CSNK1G1: variants seen among roughly 807,000 people sequenced by gnomAD.
CSNK1G1 encodes the protein casein kinase I isoform gamma-1.
A neutral mutation model predicts 59.6 loss-of-function variants in CSNK1G1; 22 were observed. The ratio of observed to expected loss-of-function variants is 0.37; its 90% CI spans 0.26 to 0.53. CSNK1G1 has a LOEUF of 0.53. Ranked by LOEUF, CSNK1G1 falls within the 20% of genes least tolerant of loss-of-function variation. CSNK1G1 has a pLI of 0.89. For missense variants in CSNK1G1, 384 were observed against 519.5 expected, an observed-to-expected ratio of 0.74 and a Z score of 2.54; for synonymous variants, 179 against 177.1, an observed-to-expected ratio of 1.01 and a Z score of -0.08.
chr15:64,165,527 GAA>G lies in CSNK1G1; in HGVS notation c.*6402_*6403del, dbSNP rs1878833682. 1.3e-5 allele frequency: 2 copies of G among 152,094 alleles called. No individual in the cohort carries two copies. 9.4% of individuals were successfully genotyped at this position (152,094 alleles called of 1,614,324 possible). ...AAAATAATTTTCTTCTTCAGCACTC[GAA>G]GAGAGACAGCAGTATTTATTTTTGA... On this transcript the variant is annotated 3_prime_UTR_variant, in exon 12 of 12. Transcript: ENST00000303052.
At chr15:64,335,555 ACTAT>A (rs1282872645) in intron 1 of CSNK1G1, among the ~76,000 whole-genome samples, 1 of 152,204 alleles carries the variant, frequency 6.6e-6, no homozygotes. Context: ...CTGCCTCATC[ACTAT>A]CTACCTCCTA....
intron 1 of CSNK1G1, among the ~76,000 whole-genome samples, chr15:64,347,779 G>A (rs922026423): frequency 1.3e-5 from 2 of 151,718 alleles, no homozygotes; most frequent in African/African-American, 2.4e-5. Context: ...AGGCTGAGGC[G>A]AGCAGATCAC....
chr15:64,276,761 C>T (rs1369794785), intron 2 of CSNK1G1, among the ~76,000 whole-genome samples: 1 of 151,918 alleles, frequency 6.6e-6, no homozygotes, highest in South Asian at 2.1e-4. Context: ...CTGGCTAACA[C>T]AGTGAAACCC....
chr15:64,186,070 G>A (rs778490980), intron 10 of CSNK1G1, among the ~76,000 whole-genome samples: 3 of 152,008 alleles, frequency 2.0e-5, no homozygotes, highest in Non-Finnish European at 4.4e-5. Flanking sequence ...TTTCTTTCCT[G>A]TGCTGGATCT....
At chr15:64,264,648 A>G (rs1445236134) in intron 2 of CSNK1G1, among the ~76,000 whole-genome samples, 1 of 152,192 alleles carries the variant, frequency 6.6e-6, no homozygotes, top group Non-Finnish European at 1.5e-5. Context: ...ACTAAATCCA[A>G]CAACACACTA....
In CSNK1G1 at chr15:64,168,497, A is replaced by ATC. The variant is rs1476741940; in HGVS notation, c.*3433_*3434insGA. On this transcript the variant is annotated 3_prime_UTR_variant, in exon 12 of 12. Transcript: ENST00000303052. The stretch of plus-strand genomic sequence containing the variant: ...CCTGTGTGCCTCAAATCTGTTTAGG[A>ATC]TGCAATGTCTGAGGGACTGTAGAGC... 1 of 152,248 alleles carries ATC rather than the reference A, an allele frequency of 6.6e-6. No individual in the cohort carries two copies. The highest frequency in any genetic ancestry group is 1.5e-5 in the Non-Finnish European group (1 of 68,066). 9.4% of individuals were successfully genotyped at this position (152,248 alleles called of 1,614,324 possible). A position where few individuals can be genotyped will look rare whatever the true frequency, so the allele number is the denominator to read the frequency against.
intron 10 of CSNK1G1, among the ~76,000 whole-genome samples, chr15:64,190,477 C>T (rs575410620): frequency 1.2e-4 from 19 of 152,152 alleles, no homozygotes; most frequent in Non-Finnish European, 2.2e-4. Context: ...TGCAATGGCG[C>T]GATCTCCGCT....
intron 2 of CSNK1G1, among the ~76,000 whole-genome samples, chr15:64,268,275 G>A (rs1021905735): frequency 6.6e-6 from 1 of 152,194 alleles, no homozygotes; most frequent in African/African-American, 2.4e-5. Flanking sequence ...TAGGAAAGCT[G>A]ATCTCATAGG....
chr15:64,165,879 A>G lies in CSNK1G1; in HGVS notation c.*6052T>C. ...AGGAAATGGGCTACTCTGAGATCAC[A>G]TATCAGAACCCATTTTCCATTTTCT... On this transcript the variant is annotated 3_prime_UTR_variant, in exon 12 of 12. Transcript: ENST00000303052. The G allele has an allele frequency of 2.1e-6, 1 of 480,454 alleles. No homozygotes were observed. Among genetic ancestry groups the G allele is most frequent in the Non-Finnish European group, 3.7e-6 (1 of 272,392 alleles). 29.8% of individuals were successfully genotyped at this position (480,454 alleles called of 1,614,324 possible).
chr15:64,339,470 G>A (rs955857387), intron 1 of CSNK1G1, among the ~76,000 whole-genome samples: 5 of 151,936 alleles, frequency 3.3e-5, no homozygotes, highest in Non-Finnish European at 5.9e-5. Context: ...CCACCACCAC[G>A]CCCGGCTAAT....
chr15:64,245,383 T>G (rs1596152061), intron 4 of CSNK1G1, among the ~76,000 whole-genome samples: 1 of 152,304 alleles, frequency 6.6e-6, no homozygotes, highest in African/African-American at 2.4e-5. Flanking sequence ...AGCCAGGATA[T>G]ATATGCAATT....
chr15:64,249,256 C>T (rs1434964471), intron 4 of CSNK1G1, among the ~76,000 whole-genome samples: 1 of 152,118 alleles, frequency 6.6e-6, no homozygotes, highest in Non-Finnish European at 1.5e-5. Context: ...AGTAGTCAAG[C>T]CGATTTAGAT....
chr15:64,201,177 C>A (rs1157061763), intron 10 of CSNK1G1, among the ~76,000 whole-genome samples: 2 of 145,386 alleles, frequency 1.4e-5, no homozygotes. Flanking sequence ...GAGGCTGAGA[C>A]AGGAGAATTG....
intron 10 of CSNK1G1, among the ~76,000 whole-genome samples, chr15:64,201,286 AAAAAGAAAG>A (rs2082103686): frequency 6.7e-6 from 1 of 149,668 alleles, no homozygotes; most frequent in African/African-American, 2.5e-5. Flanking sequence ...AAAAAAAAAA[AAAAAGAAAG>A]AAAAAGAAAA....
At chr15:64,280,402 A>ATTGTT (rs1364294676) in intron 2 of CSNK1G1, among the ~76,000 whole-genome samples, 2 of 149,762 alleles carry the variant, frequency 1.3e-5, no homozygotes, top group African/African-American at 2.5e-5. Flanking sequence ...TTTTGTTTGT[A>ATTGTT]TTGTTTTGTT....
intron 2 of CSNK1G1, among the ~76,000 whole-genome samples, chr15:64,289,653 G>A (rs981721015): frequency 6.6e-6 from 1 of 152,154 alleles, no homozygotes; most frequent in African/African-American, 2.4e-5. Flanking sequence ...CCTGCTGAAT[G>A]GGAGAAAATA....
intron 1 of CSNK1G1, among the ~76,000 whole-genome samples, chr15:64,355,581 C>T (rs1898609671): frequency 6.6e-6 from 1 of 152,226 alleles, no homozygotes; most frequent in South Asian, 2.1e-4. Flanking sequence ...CAGCTCTGTC[C>T]CAGCGGGGTG....
chr15:64,261,319 G>A (rs1892675767), intron 2 of CSNK1G1, among the ~76,000 whole-genome samples: 1 of 152,156 alleles, frequency 6.6e-6, no homozygotes. Flanking sequence ...CTAGTTTTAG[G>A]GCCAGGTGCA....
At chr15:64,181,548 G>T in intron 10 of CSNK1G1, 1 of 946,752 alleles carries the variant, frequency 1.1e-6, no homozygotes, top group Non-Finnish European at 1.5e-6. Context: ...AATTATACAA[G>T]AAAATGTATG....
Sources: gnomAD v4.1 joint callset for allele counts (sites outside exome capture counted in the v4.1 genomes callset) on GRCh38, gnomAD v4.1.1 for gene constraint, MANE v1.5 for transcripts, NCBI Gene and HGNC (gene_info 2026-07-23, HGNC 2026-07-21) for gene names.